FLRT2: variants seen among roughly 807,000 people sequenced by gnomAD.
FLRT2 encodes the protein fibronectin leucine rich transmembrane protein 2.
A neutral mutation model predicts 40.0 loss-of-function variants in FLRT2; 15 were observed. That is an observed-to-expected ratio of 0.38 (90% CI 0.25 to 0.58). FLRT2 has a LOEUF of 0.58. Ranked by LOEUF, FLRT2 falls within the 20% of genes least tolerant of loss-of-function variation. The pLI is 0.71. For missense variants in FLRT2, 726 were observed against 840.0 expected, an observed-to-expected ratio of 0.86 and a Z score of 1.68; for synonymous variants, 380 against 336.8, an observed-to-expected ratio of 1.13 and a Z score of -1.41.
At chr14:85,555,721 AT>A (rs1889915301) in intron 1 of FLRT2, among the ~76,000 whole-genome samples, 2 of 150,500 alleles carry the variant, frequency 1.3e-5, no homozygotes, top group Non-Finnish European at 3.0e-5. Context: ...ATTTTATTTT[AT>A]TTTATTTTAT....
chr14:85,575,051 C>T (rs1400278901), intron 1 of FLRT2, among the ~76,000 whole-genome samples: 1 of 152,134 alleles, frequency 6.6e-6, no homozygotes, highest in Non-Finnish European at 1.5e-5. Flanking sequence ...TACAAACTGA[C>T]TCAGCAAAAA....
intron 1 of FLRT2, among the ~76,000 whole-genome samples, chr14:85,608,116 A>G (rs1441618873): frequency 6.6e-6 from 1 of 152,110 alleles, no homozygotes; most frequent in Non-Finnish European, 1.5e-5. Context: ...GTCTCCAAAT[A>G]TAGTCACATT....
chr14:85,608,050 G>T (rs1892701264), intron 1 of FLRT2, among the ~76,000 whole-genome samples: 1 of 151,702 alleles, frequency 6.6e-6, no homozygotes, highest in African/African-American at 2.4e-5. Flanking sequence ...AGTCATATTG[G>T]ATTAGGCCCC....
intron 1 of FLRT2, among the ~76,000 whole-genome samples, chr14:85,577,890 T>C (rs1373670188): frequency 6.6e-6 from 1 of 151,852 alleles, no homozygotes. Flanking sequence ...CCTGATTTAC[T>C]TTTTTATTTT....
At chr14:85,553,801 C>T (rs1268334364) in intron 1 of FLRT2, among the ~76,000 whole-genome samples, 1 of 152,142 alleles carries the variant, frequency 6.6e-6, no homozygotes, top group African/African-American at 2.4e-5. Context: ...TGCATTGTCA[C>T]TTTGGGTAAG....
rs1419421906 is a variant in FLRT2, at chr14:85,638,518, C to CA, written c.*15026dup. The CA allele has an allele frequency of 6.6e-6, 1 of 152,186 alleles. No homozygotes were observed. The highest frequency in any genetic ancestry group is 2.4e-5 in the African/African-American group (1 of 41,424). The allele number at this position is 152,186 out of a possible 1,614,324, so 9.4% of individuals were successfully genotyped here. ...CATAGCCTTCCACAGGTGTCAGCTG[C>CA]AAAAACCCTCCCAAGTAAGCCTCTT... On this transcript the variant is annotated 3_prime_UTR_variant, in exon 2 of 2. Coordinates refer to ENST00000330753, the MANE Select transcript of FLRT2 (RefSeq NM_013231.6).
At position 85,633,633 on chromosome 14, in the gene FLRT2, TA is replaced by T. The variant is rs71120531; in HGVS notation, c.*10153del. Reference sequence around the variant, plus strand: ...GGGCAATGCAGTGAGACCCTATCTCTAAAAAAAAAAAAAAAAATTAGCCAGG... The same window carrying T: ...GGGCAATGCAGTGAGACCCTATCTCTAAAAAAAAAAAAAAAATTAGCCAGG... On this transcript the variant is annotated 3_prime_UTR_variant, in exon 2 of 2. Transcript: ENST00000330753. 34,091 of 138,392 alleles carry T rather than the reference TA, an allele frequency of 0.25. 4,824 individuals are homozygous for T. Among genetic ancestry groups the T allele is most frequent in the Non-Finnish European group, 0.33 (21,285 of 64,846 alleles). The allele number at this position is 138,392 out of a possible 1,614,324, so 8.6% of individuals were successfully genotyped here. A position where few individuals can be genotyped will look rare whatever the true frequency, so the allele number is the denominator to read the frequency against.
At chr14:85,557,493 C>G (rs1890044145) in intron 1 of FLRT2, among the ~76,000 whole-genome samples, 1 of 152,108 alleles carries the variant, frequency 6.6e-6, no homozygotes, top group Admixed American at 6.6e-5. Context: ...GATGGCATCT[C>G]CACTAGGCCC....
intron 1 of FLRT2, among the ~76,000 whole-genome samples, chr14:85,612,714 C>T (rs1323320908): frequency 6.6e-6 from 1 of 152,188 alleles, no homozygotes; most frequent in Non-Finnish European, 1.5e-5. Context: ...TGAGAAGGCA[C>T]ATTGTAAAAA....
rs190446213 is a variant in FLRT2 at position 85,600,044 on chromosome 14, C to T, written c.-376-21095C>T. Among the ~76,000 whole-genome samples the T allele has an allele frequency of 3.3e-4, 50 of 152,198 alleles. No homozygotes were observed. In the East Asian group the frequency reaches 8.1e-3, roughly 25 times the overall value. On this transcript the variant is annotated intron_variant, in intron 1 of 1. Transcript: ENST00000330753. ...AGAGACTGGAGACAAAGAGATGTGA[C>T]GCAAGTGCAGTTCAGCTCATTTATG...
At chr14:85,542,258 T>C (rs926786532) in intron 1 of FLRT2, among the ~76,000 whole-genome samples, 1 of 152,150 alleles carries the variant, frequency 6.6e-6, no homozygotes, top group African/African-American at 2.4e-5. Flanking sequence ...GATGTCCTGG[T>C]AAAAATACAT....
intron 1 of FLRT2, among the ~76,000 whole-genome samples, chr14:85,565,660 G>A (rs1028943401): frequency 6.6e-6 from 1 of 151,996 alleles, no homozygotes; most frequent in African/African-American, 2.4e-5. Flanking sequence ...AATACACATC[G>A]TTAGCTTTTA....
intron 1 of FLRT2, among the ~76,000 whole-genome samples, chr14:85,571,112 G>C (rs368040590): frequency 1.6e-4 from 25 of 152,166 alleles, no homozygotes; most frequent in African/African-American, 6.0e-4. Context: ...TTCTTCATCT[G>C]CTTTGCTCAA....
rs1488455226 is a variant in FLRT2 at position 85,627,303 on chromosome 14, G to A, written c.*3806G>A. The stretch of plus-strand genomic sequence containing the variant: ...TTCTTGGTCTTGTCAAACCTTGCCT[G>A]ATGCTCTTTCTAAAGTCAAAATATG... On this transcript the variant is annotated 3_prime_UTR_variant, in exon 2 of 2. Coordinates refer to ENST00000330753, the MANE Select transcript of FLRT2 (RefSeq NM_013231.6). The A allele has an allele frequency of 2.4e-5, 4 of 167,032 alleles. No homozygotes were observed. Among genetic ancestry groups the A allele is most frequent in the Admixed American group, 2.0e-4 (3 of 15,284 alleles). 10.3% of individuals were successfully genotyped at this position (167,032 alleles called of 1,614,324 possible). A position where few individuals can be genotyped will look rare whatever the true frequency, so the allele number is the denominator to read the frequency against.
rs1313211147 is a variant in FLRT2, at chr14:85,645,008, G to A, written c.*21511G>A. 2 of 152,096 alleles carry A rather than the reference G, an allele frequency of 1.3e-5. No individual in the cohort carries two copies. The highest frequency in any genetic ancestry group is 2.9e-5 in the Non-Finnish European group (2 of 68,024). The allele number at this position is 152,096 out of a possible 1,614,324, so 9.4% of individuals were successfully genotyped here. A position where few individuals can be genotyped will look rare whatever the true frequency, so the allele number is the denominator to read the frequency against. On this transcript the variant is annotated 3_prime_UTR_variant, in exon 2 of 2. Coordinates refer to ENST00000330753, the MANE Select transcript of FLRT2 (RefSeq NM_013231.6). ...AGGGACAGTTCTTGTCTTGCTAATA[G>A]AAATAGATGCCGAAAGAGGCTCAAC...
rs1894484278 is a variant in FLRT2, at chr14:85,653,605, G to C, written c.*30108G>C. On this transcript the variant is annotated 3_prime_UTR_variant, in exon 2 of 2. Transcript: ENST00000330753. ...CCTAGAAGCACATGAAAGAAACCCT[G>C]GTCCAAGCGAACTGTCTCCTTCACC... The C allele has an allele frequency of 6.6e-6, 1 of 152,336 alleles. No homozygotes were observed. Among genetic ancestry groups the C allele is most frequent in the East Asian group, 1.9e-4 (1 of 5,178 alleles). 9.4% of individuals were successfully genotyped at this position (152,336 alleles called of 1,614,324 possible).
chr14:85,568,603 T>TG (rs1890741799), intron 1 of FLRT2, among the ~76,000 whole-genome samples: 2 of 151,756 alleles, frequency 1.3e-5, no homozygotes, highest in Non-Finnish European at 1.5e-5. Context: ...GTTCCTGCTT[T>TG]TTTGTTGTTG....
Position 85,533,467 on chromosome 14 carries a change from C to T in FLRT2, c.-377+2933C>T, listed in dbSNP as rs941242330. Reference sequence around the variant, plus strand: ...CGGCTCCGAGCTGTCCGCACACACGCGTCGGAGGAGAGCCCGCCTAGCTCT... The same window carrying T: ...CGGCTCCGAGCTGTCCGCACACACGTGTCGGAGGAGAGCCCGCCTAGCTCT... On this transcript the variant is annotated intron_variant, in intron 1 of 1. Transcript: ENST00000330753. Among the ~76,000 whole-genome samples the T allele has an allele frequency of 1.0e-3, 153 of 152,132 alleles. 1 individual carries two copies. Among genetic ancestry groups the T allele is most frequent in the African/African-American group, 3.5e-3 (146 of 41,546 alleles).
At chr14:85,534,677 G>T (rs902650464) in intron 1 of FLRT2, among the ~76,000 whole-genome samples, 9 of 151,920 alleles carry the variant, frequency 5.9e-5, no homozygotes, top group Non-Finnish European at 7.4e-5. Flanking sequence ...TTTCTCGGTG[G>T]CCTGATGCGC....
Sources: gnomAD v4.1 joint callset for allele counts (sites outside exome capture counted in the v4.1 genomes callset) on GRCh38, gnomAD v4.1.1 for gene constraint, MANE v1.5 for transcripts, NCBI Gene and HGNC (gene_info 2026-07-23, HGNC 2026-07-21) for gene names.